Variants in SOS2 observed in about 807,000 individuals in gnomAD.
SOS2 encodes son of sevenless homolog 2.
Under a neutral mutation model 148.2 loss-of-function variants are expected in SOS2, and 65 were observed. That is an observed-to-expected ratio of 0.44 (90% CI 0.36 to 0.54). The LOEUF (loss-of-function observed/expected upper bound fraction) is 0.54, where lower values mean the gene tolerates loss of function less well. Ranked by LOEUF, SOS2 falls within the 20% of genes least tolerant of loss-of-function variation. The pLI, the probability that SOS2 is intolerant of heterozygous loss-of-function variation, is 0.00. For missense variants in SOS2, 1,341 were observed against 1,590.2 expected, an observed-to-expected ratio of 0.84 and a Z score of 2.67; for synonymous variants, 539 against 537.1, an observed-to-expected ratio of 1.00 and a Z score of -0.05.
intron 8 of SOS2, among the ~76,000 whole-genome samples, chr14:50,172,260 T>C (rs533588229): frequency 1.1e-4 from 17 of 152,280 alleles, no homozygotes; most frequent in African/African-American, 4.1e-4. Flanking sequence ...ATTCAAATCT[T>C]TTGCCATTTC....
intron 21 of SOS2, among the ~76,000 whole-genome samples, chr14:50,123,391 T>TG (rs1883585513): frequency 6.7e-6 from 1 of 148,906 alleles, no homozygotes; most frequent in South Asian, 2.2e-4. Flanking sequence ...TTTTTTTTTT[T>TG]TTTTTTTGAG....
intron 18 of SOS2, among the ~76,000 whole-genome samples, chr14:50,135,641 G>GTTTTTTTT (rs1884051868): frequency 1.5e-5 from 1 of 68,456 alleles, no homozygotes; most frequent in Non-Finnish European, 2.8e-5. Context: ...AATGTGGTTT[G>GTTTTTTTT]CTTTTTTTTT....
At chr14:50,224,325 ACACACACACAC>A (rs1170649675) in intron 1 of SOS2, among the ~76,000 whole-genome samples, 1 of 87,074 alleles carries the variant, frequency 1.1e-5, no homozygotes, top group African/African-American at 4.1e-5. Flanking sequence ...ACACACACAC[ACACACACACAC>A]ACACACACAC....
intron 16 of SOS2, among the ~76,000 whole-genome samples, chr14:50,144,556 G>A (rs1471352284): frequency 6.6e-6 from 1 of 152,034 alleles, no homozygotes; most frequent in African/African-American, 2.4e-5. Context: ...TCCTGTCTCA[G>A]CCTCCGAAGT....
intron 2 of SOS2, among the ~76,000 whole-genome samples, 176 bp from the exon 3 acceptor site, chr14:50,201,260 CG>C (rs1233343483): frequency 6.6e-6 from 1 of 151,908 alleles, no homozygotes; most frequent in African/African-American, 2.4e-5. Context: ...AGGCTGGGCG[CG>C]GTGGCTCACG....
chr14:50,209,651 C>T (rs139677218), intron 1 of SOS2, among the ~76,000 whole-genome samples: 7 of 151,536 alleles, frequency 4.6e-5, no homozygotes, highest in Admixed American at 2.6e-4. Flanking sequence ...CCCAGCTACA[C>T]GGGAGGCTGA....
intron 5 of SOS2, among the ~76,000 whole-genome samples, chr14:50,186,607 C>A (rs1278537548): frequency 1.3e-5 from 2 of 148,514 alleles, no homozygotes; most frequent in African/African-American, 5.1e-5. Context: ...ATAGCAAGAC[C>A]CCCATCTATA....
intron 8 of SOS2, among the ~76,000 whole-genome samples, chr14:50,168,429 C>T (rs1411664637): frequency 6.6e-6 from 1 of 152,092 alleles, no homozygotes; most frequent in East Asian, 1.9e-4. Context: ...ACTATATTGC[C>T]CAGGCTGGTC....
At chr14:50,166,034 T>C (rs1274319070) in intron 8 of SOS2, among the ~76,000 whole-genome samples, 2 of 152,124 alleles carry the variant, frequency 1.3e-5, no homozygotes, top group South Asian at 2.1e-4. Context: ...AAAACACTGG[T>C]CTGTGTCTAA....
At chr14:50,133,228 TTTTTTTCTTTTTTC>T (rs1435609786) in intron 19 of SOS2, among the ~76,000 whole-genome samples, 1 of 125,548 alleles carries the variant, frequency 8.0e-6, no homozygotes, top group African/African-American at 2.9e-5. Context: ...TTCCATGAAC[TTTTTTTCTTTTTTC>T]TTTTTTCTTT....
At chr14:50,177,257 T>G (rs901722616) in intron 7 of SOS2, among the ~76,000 whole-genome samples, 1 of 151,898 alleles carries the variant, frequency 6.6e-6, no homozygotes, top group South Asian at 2.1e-4. Flanking sequence ...GAGGCGGAGG[T>G]TGCAATGAAC....
chr14:50,145,993 C>T (rs1034279088), intron 14 of SOS2, among the ~76,000 whole-genome samples: 2 of 151,868 alleles, frequency 1.3e-5, no homozygotes, highest in African/African-American at 2.4e-5. Context: ...ATTAGCCGGG[C>T]ATGGTGGCAC....
intron 4 of SOS2, among the ~76,000 whole-genome samples, chr14:50,199,013 C>T (rs534343938): frequency 6.3e-4 from 96 of 152,122 alleles, no homozygotes; most frequent in African/African-American, 2.1e-3. Flanking sequence ...AACAGCTGGA[C>T]GTGGTGATGC....
rs1469247292 is a variant in SOS2, at chr14:50,211,047, A to ATATG, written c.88-6639_88-6638insCATA. 4.8e-4 allele frequency among the ~76,000 whole-genome samples: 71 copies of ATATG among 147,752 alleles called. 1 individual carries two copies. The highest frequency in any genetic ancestry group is 1.7e-3 in the African/African-American group (63 of 37,714). ...TCCACTATAGGATATATATATATAT[A>ATATG]TTCAGGATAGATTTACATATATTTC... On this transcript the variant is annotated intron_variant, in intron 1 of 22. Transcript: ENST00000216373.
At chr14:50,135,557 A>T (rs1171959431) in intron 18 of SOS2, among the ~76,000 whole-genome samples, 2 of 147,404 alleles carry the variant, frequency 1.4e-5, no homozygotes, top group Non-Finnish European at 3.0e-5. Flanking sequence ...TTAATAATTT[A>T]TATATATATT....
intron 1 of SOS2, among the ~76,000 whole-genome samples, chr14:50,210,040 C>T (rs1036451959): frequency 6.6e-6 from 1 of 152,002 alleles, no homozygotes; most frequent in Non-Finnish European, 1.5e-5. Flanking sequence ...AATAAAAGTG[C>T]AAAAAGCTAA....
chr14:50,169,513 A>G (rs10147916), intron 8 of SOS2, among the ~76,000 whole-genome samples: 135,974 of 151,574 alleles, frequency 0.9, 61,152 homozygotes, highest in African/African-American at 0.95. Flanking sequence ...GGTGGCGGTC[A>G]CCTGTAATCT....
chr14:50,145,774 C>T (rs1275130988), intron 14 of SOS2, among the ~76,000 whole-genome samples, 178 bp from the exon 15 acceptor site: 4 of 152,118 alleles, frequency 2.6e-5, no homozygotes, highest in Non-Finnish European at 5.9e-5. Context: ...ACACTTTATC[C>T]CTTACTCAGG....
At chr14:50,137,294 A>G (rs1418037076) in intron 18 of SOS2, among the ~76,000 whole-genome samples, 1 of 152,204 alleles carries the variant, frequency 6.6e-6, no homozygotes, top group African/African-American at 2.4e-5. Flanking sequence ...CCAGGCATAC[A>G]TATACCACTT....
Sources: allele counts gnomAD v4.1 joint callset (sites outside exome capture counted in the v4.1 genomes callset), GRCh38; gene constraint gnomAD v4.1.1; transcripts MANE v1.5; gene names NCBI Gene and HGNC (gene_info 2026-07-23, HGNC 2026-07-21).